Variants in ARL15 observed in about 807,000 individuals in gnomAD.
The protein encoded by ARL15 is ARF like GTPase 15.
Under a neutral mutation model 25.2 loss-of-function variants are expected in ARL15, and 19 were observed. The observed-to-expected ratio is 0.75, with a 90% CI of 0.53 to 1.10. The LOEUF is 1.10. Among genes scored for constraint, ARL15 ranks in the 50% least tolerant of loss-of-function variants. ARL15 has a pLI of 0.00. For synonymous variants in ARL15, 94 were observed against 86.8 expected (o/e 1.08, Z -0.46); for missense variants, 220 against 246.0 (o/e 0.89, Z 0.71).
intron 2 of ARL15, among the ~76,000 whole-genome samples, chr5:54,156,260 C>CAG: frequency 6.6e-6 from 1 of 152,164 alleles, no homozygotes; most frequent in Non-Finnish European, 1.5e-5. Context: ...TGGAGTCAGA[C>CAG]AGAACTAGGT....
At chr5:54,055,312 T>A (rs1466741302) in intron 4 of ARL15, among the ~76,000 whole-genome samples, 1 of 151,392 alleles carries the variant, frequency 6.6e-6, no homozygotes, top group African/African-American at 2.4e-5. Context: ...GTTTCCAAGG[T>A]TCATCCATGT....
In ARL15 at chr5:54,062,350, GC is replaced by G. The variant is rs200782715; in HGVS notation, c.462+50851del. Among the ~76,000 whole-genome samples, 291 of 152,118 alleles carry G rather than the reference GC, an allele frequency of 1.9e-3. 7 individuals carry two copies. In the East Asian group the frequency reaches 0.048, roughly 25 times the overall value. Reference sequence around the variant, plus strand: ...TGTGAGGACATGAAATTTGGGAGGGGCCAGCGGCAGAACGATATGGTTTGGC... The same window carrying G: ...TGTGAGGACATGAAATTTGGGAGGGGCAGCGGCAGAACGATATGGTTTGGC... On this transcript the variant is annotated intron_variant, in intron 4 of 4. Coordinates refer to ENST00000504924, the MANE Select transcript of ARL15 (RefSeq NM_019087.3).
At chr5:54,298,799 C>T (rs1327361777) in intron 1 of ARL15, among the ~76,000 whole-genome samples, 8 of 152,038 alleles carry the variant, frequency 5.3e-5, no homozygotes, top group Non-Finnish European at 8.8e-5. Context: ...AGTCTCTATC[C>T]TCACCTGCTT....
At chr5:54,199,446 T>G (rs1439215366) in intron 1 of ARL15, among the ~76,000 whole-genome samples, 2 of 151,454 alleles carry the variant, frequency 1.3e-5, no homozygotes, top group East Asian at 3.9e-4. Context: ...CTAACAAATT[T>G]ACAAGAAAAA....
chr5:54,143,491 T>C (rs191774722), intron 3 of ARL15, among the ~76,000 whole-genome samples: 1,939 of 152,146 alleles, frequency 0.013, 20 homozygotes, highest in South Asian at 0.022. Context: ...GTGTCTTTTG[T>C]CACCATATAT....
chr5:54,246,042 G>T (rs753848542), intron 1 of ARL15, among the ~76,000 whole-genome samples: 42 of 152,026 alleles, frequency 2.8e-4, no homozygotes, highest in Non-Finnish European at 5.4e-4. Context: ...CAGGGGAAGT[G>T]TCATTGATAG....
chr5:53,988,272 C>G (rs907693108), intron 4 of ARL15, among the ~76,000 whole-genome samples: 2 of 150,820 alleles, frequency 1.3e-5, no homozygotes, highest in Non-Finnish European at 2.9e-5. Flanking sequence ...TGCACTCCAG[C>G]CTGGGCAACC....
intron 1 of ARL15, among the ~76,000 whole-genome samples, chr5:54,179,250 A>G (rs1754976697): frequency 6.6e-6 from 1 of 152,158 alleles, no homozygotes; most frequent in African/African-American, 2.4e-5. Flanking sequence ...AGAGCTATTA[A>G]GTGGCAGAGC....
intron 1 of ARL15, among the ~76,000 whole-genome samples, chr5:54,297,933 C>T (rs1758508540): frequency 2.0e-5 from 3 of 152,202 alleles, no homozygotes; most frequent in Non-Finnish European, 4.4e-5. Flanking sequence ...CAGGTGCACG[C>T]TGCCACGCCC....
At chr5:54,207,132 A>C (rs528417868) in intron 1 of ARL15, among the ~76,000 whole-genome samples, 6 of 152,352 alleles carry the variant, frequency 3.9e-5, no homozygotes, top group Admixed American at 3.9e-4. Context: ...CCACATGATG[A>C]CAATATCCTA....
intron 4 of ARL15, among the ~76,000 whole-genome samples, chr5:53,926,874 A>G (rs1305816087): frequency 1.3e-5 from 2 of 152,096 alleles, no homozygotes; most frequent in African/African-American, 4.8e-5. Context: ...GAAAAAGAAT[A>G]CAACATGCCT....
At chr5:54,233,458 T>C (rs560590448) in intron 1 of ARL15, among the ~76,000 whole-genome samples, 24 of 152,368 alleles carry the variant, frequency 1.6e-4, no homozygotes, top group African/African-American at 5.8e-4. Context: ...CTTAGAAAAC[T>C]TGTATCTGCC....
chr5:54,265,660 AG>A (rs1247587503), intron 1 of ARL15, among the ~76,000 whole-genome samples: 4 of 152,134 alleles, frequency 2.6e-5, no homozygotes, highest in Admixed American at 2.0e-4. Flanking sequence ...ATTGTAGCTA[AG>A]TTTGCCAAGA....
chr5:54,125,537 C>T (rs1358256425), intron 3 of ARL15, among the ~76,000 whole-genome samples: 1 of 152,176 alleles, frequency 6.6e-6, no homozygotes, highest in East Asian at 1.9e-4. Context: ...TATTCCATTG[C>T]ATGGATATAC....
At chr5:54,304,562 T>C (rs1478865696) in intron 1 of ARL15, among the ~76,000 whole-genome samples, 1 of 152,194 alleles carries the variant, frequency 6.6e-6, no homozygotes, top group Non-Finnish European at 1.5e-5. Flanking sequence ...GCCACAGAAG[T>C]TTGGGAACCA....
At chr5:54,235,994 T>G (rs780794034) in intron 1 of ARL15, among the ~76,000 whole-genome samples, 34 of 152,142 alleles carry the variant, frequency 2.2e-4, no homozygotes, top group Non-Finnish European at 4.1e-4. Context: ...ATTAAAAGGT[T>G]TGAGTAACAA....
intron 4 of ARL15, among the ~76,000 whole-genome samples, chr5:53,891,489 C>A (rs1440551150): frequency 6.6e-6 from 1 of 152,166 alleles, no homozygotes; most frequent in Non-Finnish European, 1.5e-5. Context: ...ACAACCTGCA[C>A]CCTCCCATGC....
chr5:54,234,816 G>A (rs915676795), intron 1 of ARL15, among the ~76,000 whole-genome samples: 7 of 152,092 alleles, frequency 4.6e-5, no homozygotes, highest in South Asian at 2.1e-4. Flanking sequence ...TTACAACTCC[G>A]TCCCAGAAAA....
At position 54,032,798 on chromosome 5, in the gene ARL15, A is replaced by C. The variant is rs145088801; in HGVS notation, c.462+80404T>G. On this transcript the variant is annotated intron_variant, in intron 4 of 4. Coordinates refer to ENST00000504924, the MANE Select transcript of ARL15 (RefSeq NM_019087.3). ...GACTCTTATTGTAAATTAGAATTAAACATAAAAAGTTCTGGTTCCTGACAT... is the reference window on the plus strand; with the variant it reads ...GACTCTTATTGTAAATTAGAATTAACCATAAAAAGTTCTGGTTCCTGACAT... Among the ~76,000 whole-genome samples, 1,080 of 152,228 alleles carry C rather than the reference A, an allele frequency of 7.1e-3. 13 individuals are homozygous for C. The highest frequency in any genetic ancestry group is 0.025 in the African/African-American group (1,039 of 41,518).
Sources: allele counts gnomAD v4.1 joint callset (sites outside exome capture counted in the v4.1 genomes callset), GRCh38; gene constraint gnomAD v4.1.1; transcripts MANE v1.5; gene names NCBI Gene and HGNC (gene_info 2026-07-23, HGNC 2026-07-21).